Variants in IL1RL2 observed in about 807,000 individuals in gnomAD.
The protein encoded by IL1RL2 is interleukin-1 receptor-like 2.
In IL1RL2, 68 loss-of-function variants were observed where a neutral mutation model predicts 66.8. The ratio of observed to expected loss-of-function variants is 1.02; its 90% CI spans 0.84 to 1.25. The LOEUF is 1.25. Among genes scored for constraint, IL1RL2 ranks in the 50% most tolerant of loss-of-function variants. The pLI is 0.00. For synonymous variants in IL1RL2, 305 were observed against 264.6 expected (o/e 1.15, Z -1.48); for missense variants, 729 against 709.3 (o/e 1.03, Z -0.32).
chr2:102,203,644 T>C (rs1429233203), intron 5 of IL1RL2, among the ~76,000 whole-genome samples: 1 of 152,088 alleles, frequency 6.6e-6, no homozygotes, highest in East Asian at 1.9e-4. Context: ...TCTTGGTAGG[T>C]TGTATTTGTC....
At chr2:102,219,842 C>A (rs369364915) in intron 7 of IL1RL2, 39 bp from the exon 8 acceptor site, 7 of 1,553,956 alleles carry the variant, frequency 4.5e-6, no homozygotes, top group Non-Finnish European at 5.3e-6. Flanking sequence ...TTGGGTAAAT[C>A]TGACTCATGT....
downstream of IL1RL2, among the ~76,000 whole-genome samples, chr2:102,241,726 T>C (rs543749038): frequency 6.6e-6 from 1 of 152,266 alleles, no homozygotes; most frequent in East Asian, 1.9e-4. Flanking sequence ...ATGAAGAAAG[T>C]AAGTGTGTAA....
intron 6 of IL1RL2, among the ~76,000 whole-genome samples, chr2:102,212,961 G>C (rs1048541483): frequency 1.3e-5 from 2 of 151,496 alleles, no homozygotes; most frequent in Non-Finnish European, 2.9e-5. Flanking sequence ...GCGAGACTCC[G>C]TCTCAAAACA....
chr2:102,194,571 A>T (rs1183997542), intron 4 of IL1RL2, among the ~76,000 whole-genome samples: 1 of 152,176 alleles, frequency 6.6e-6, no homozygotes, highest in Admixed American at 6.5e-5. Flanking sequence ...ATACCTGACA[A>T]CACATGGTAC....
chr2:102,193,572 G>GAACTCCTGGCCTCA (rs1270986997), intron 4 of IL1RL2, among the ~76,000 whole-genome samples: 1 of 152,054 alleles, frequency 6.6e-6, no homozygotes, highest in Non-Finnish European at 1.5e-5. Context: ...GACTGGTCTC[G>GAACTCCTGGCCTCA]AACTCCTGGC....
At chr2:102,191,628 G>T (rs1300811439) in intron 3 of IL1RL2, among the ~76,000 whole-genome samples, 2 of 152,208 alleles carry the variant, frequency 1.3e-5, no homozygotes, top group Non-Finnish European at 2.9e-5. Context: ...TGGCTGGAAT[G>T]CTAGGTGAGG....
At chr2:102,207,204 C>A (rs2104782810) in intron 5 of IL1RL2, among the ~76,000 whole-genome samples, 1 of 152,242 alleles carries the variant, frequency 6.6e-6, no homozygotes, top group Admixed American at 6.5e-5. Flanking sequence ...GTCCCAGAAT[C>A]AGGGACCTCA....
intron 5 of IL1RL2, among the ~76,000 whole-genome samples, chr2:102,210,389 G>A (rs796722689): frequency 1.3e-5 from 2 of 152,274 alleles, no homozygotes; most frequent in African/African-American, 4.8e-5. Flanking sequence ...ACAATGACAA[G>A]CAGCCAGACA....
At position 102,191,926 on chromosome 2, in the gene IL1RL2, G is replaced by A; in HGVS notation, c.295G>A (p.Gly99Ser). 1 of 1,595,724 alleles carries A rather than the reference G, an allele frequency of 6.3e-7. No homozygotes were observed. The highest frequency in any genetic ancestry group is 8.6e-7 in the Non-Finnish European group (1 of 1,167,298). ...ATGAGGTCTCAATCTGTCTTACAGG[G>A]GTAGAGACAGCTGTCATAGAATACA... Reference protein sequence around the residue: ...DSGVYQCVIKGRDSCHRIHVN... With the variant: ...DSGVYQCVIKSRDSCHRIHVN... Residue 99 changes from glycine to serine, a missense_variant and splice_region_variant, in exon 4 of 12, where the codon GGT becomes AGT. By Grantham distance (56) the Gly-to-Ser change is moderately conservative. Transcript: ENST00000264257.
At chr2:102,191,275 A>G (rs984112997) in intron 3 of IL1RL2, among the ~76,000 whole-genome samples, 5 of 152,088 alleles carry the variant, frequency 3.3e-5, no homozygotes, top group Non-Finnish European at 7.4e-5. Context: ...TTTCCTTTCA[A>G]TGTATATTTA....
chr2:102,205,610 G>C (rs1688636961), intron 5 of IL1RL2, among the ~76,000 whole-genome samples: 1 of 152,132 alleles, frequency 6.6e-6, no homozygotes, highest in Admixed American at 6.5e-5. Flanking sequence ...AGATGTATTA[G>C]AGCTCCATTG....
chr2:102,218,331 T>C (rs973991252), intron 6 of IL1RL2, among the ~76,000 whole-genome samples: 13 of 152,206 alleles, frequency 8.5e-5, no homozygotes, highest in Admixed American at 4.6e-4. Flanking sequence ...CCTTGAATGT[T>C]AGAATTTACT....
At chr2:102,187,808 C>G (rs762687680) in intron 1 of IL1RL2, 48 bp from the exon 2 acceptor site, 1 of 1,514,050 alleles carries the variant, frequency 6.6e-7, no homozygotes, top group South Asian at 1.1e-5. Context: ...CGCCTCGGGC[C>G]CGCCCTACTG....
intron 6 of IL1RL2, among the ~76,000 whole-genome samples, chr2:102,217,808 A>G (rs1260306764): frequency 6.6e-6 from 1 of 152,200 alleles, no homozygotes; most frequent in African/African-American, 2.4e-5. Context: ...CTTAAATATA[A>G]GCCTGAAACT....
At chr2:102,195,627 T>TTCTTTCTTTCTC (rs1559530270) in intron 4 of IL1RL2, among the ~76,000 whole-genome samples, 7 of 14,640 alleles carry the variant, frequency 4.8e-4, no homozygotes, top group African/African-American at 7.2e-4. Flanking sequence ...CTTTCTTTCT[T>TTCTTTCTTTCTC]TCTCTCTCTC....
chr2:102,198,034 A>G (rs1217070644), intron 4 of IL1RL2, among the ~76,000 whole-genome samples: 1 of 152,228 alleles, frequency 6.6e-6, no homozygotes, highest in East Asian at 1.9e-4. Flanking sequence ...TGCATAAAAT[A>G]TAGAATGATT....
chr2:102,225,153 C>T (rs1193165502), intron 8 of IL1RL2, among the ~76,000 whole-genome samples: 1 of 152,166 alleles, frequency 6.6e-6, no homozygotes, highest in Non-Finnish European at 1.5e-5. Flanking sequence ...TGTGTAGGAA[C>T]ATGTTTTCAG....
At chr2:102,233,209 T>C in intron 10 of IL1RL2, 85 bp downstream of exon 10, 1 of 1,290,350 alleles carries the variant, frequency 7.7e-7, no homozygotes. Flanking sequence ...TGGCGGTGAC[T>C]CTGCCTGCCT....
At position 102,233,042 on chromosome 2, in the gene IL1RL2, G is replaced by A; in HGVS notation, c.1215G>A (p.Val405=). 6.2e-7 allele frequency: 1 copy of A among 1,614,174 alleles called. No homozygotes were observed. Among genetic ancestry groups the A allele is most frequent in the Non-Finnish European group, 8.5e-7 (1 of 1,180,008 alleles). The part of the protein sequence containing the change: ...ESQRHAVDAL[V]LNILPEVLER... ...AGAGGCATGCCGTGGATGCCCTGGT[G>A]TTGAATATCCTGCCCGAGGTGTTGG... is the stretch of plus-strand genomic sequence containing the variant. Residue 405 remains valine (V), a synonymous_variant, in exon 10 of 12, where the codon GTG becomes GTA. Transcript: ENST00000264257.
Sources: gnomAD v4.1 joint callset for allele counts (sites outside exome capture counted in the v4.1 genomes callset) on GRCh38, gnomAD v4.1.1 for gene constraint, MANE v1.5 for transcripts, NCBI Gene and HGNC (gene_info 2026-07-23, HGNC 2026-07-21) for gene names.